The following ZNF37A variants were observed in gnomAD, a reference collection of about 807,000 sequenced individuals.
ZNF37A encodes the protein zinc finger protein 37A.
ZNF37A carries 10 observed loss-of-function variants against 12.3 expected under a neutral mutation model. The observed-to-expected ratio is 0.82, with a 90% CI of 0.50 to 1.38. ZNF37A has a LOEUF of 1.38. Ranked by LOEUF, ZNF37A falls within the 40% of genes most tolerant of loss-of-function variation. The pLI is 0.00. For missense variants in ZNF37A, 580 were observed against 651.2 expected, an observed-to-expected ratio of 0.89 and a Z score of 1.19; for synonymous variants, 207 against 223.0, an observed-to-expected ratio of 0.93 and a Z score of 0.64.
chr10:38,129,319 A>AAAAAAAAAAAAAAAAACAAC, downstream of ZNF37A, among the ~76,000 whole-genome samples: 1 of 116,222 alleles, frequency 8.6e-6, no homozygotes, highest in African/African-American at 3.6e-5. Flanking sequence ...AAAAAAAAAA[A>AAAAAAAAAAAAAAAAACAAC]AAACTATTAT....
chr10:38,101,457 G>A (rs1311706653), intron 5 of ZNF37A, among the ~76,000 whole-genome samples: 1 of 151,194 alleles, frequency 6.6e-6, no homozygotes, highest in Non-Finnish European at 1.5e-5. Context: ...CAACTTTGTT[G>A]AAAATCATTT....
intron 5 of ZNF37A, among the ~76,000 whole-genome samples, chr10:38,109,843 G>T (rs2135957245): frequency 6.6e-6 from 1 of 152,266 alleles, no homozygotes; most frequent in Non-Finnish European, 1.5e-5. Flanking sequence ...AAGTAAGAGA[G>T]GACACAAACA....
At chr10:38,111,233 A>G (rs189593324) in intron 5 of ZNF37A, among the ~76,000 whole-genome samples, 6 of 152,228 alleles carry the variant, frequency 3.9e-5, no homozygotes, top group Admixed American at 2.6e-4. Context: ...TAACACAAGA[A>G]CAGAAAACCA....
At chr10:38,144,476 T>C (rs2070227115) in intron 7 of ZNF37A, 1 of 152,202 alleles carries the variant, frequency 6.6e-6, no homozygotes, top group African/African-American at 2.4e-5. Flanking sequence ...ATAAAATATA[T>C]ATTTTGGAAT....
chr10:38,112,199 C>G (rs2068743601), intron 5 of ZNF37A, among the ~76,000 whole-genome samples: 2 of 151,742 alleles, frequency 1.3e-5, no homozygotes, highest in Non-Finnish European at 2.9e-5. Flanking sequence ...TTGGCTCTGT[C>G]CTGGGGCACT....
chr10:38,131,758 T>C (rs1328932949), intron 7 of ZNF37A, among the ~76,000 whole-genome samples: 2 of 152,218 alleles, frequency 1.3e-5, no homozygotes, highest in African/African-American at 4.8e-5. Flanking sequence ...AGTCTTCCTA[T>C]ACACAAACAG....
In ZNF37A at chr10:38,119,939, G is replaced by A. The variant is rs1396152738; in HGVS notation, c.*1102G>A. The stretch of plus-strand genomic sequence containing the variant: ...ATTTGCCTTGTATGCAACTTATGAG[G>A]ATTAGTAGAAGAGAGTGGGTCCAGA... On this transcript the variant is annotated 3_prime_UTR_variant, in exon 8 of 8. Transcript: ENST00000685332. 1 of 152,200 alleles carries A rather than the reference G, an allele frequency of 6.6e-6. No homozygotes were observed. Among genetic ancestry groups the A allele is most frequent in the African/African-American group, 2.4e-5 (1 of 41,442 alleles). 9.4% of individuals were successfully genotyped at this position (152,200 alleles called of 1,614,324 possible). A position where few individuals can be genotyped will look rare whatever the true frequency, so the allele number is the denominator to read the frequency against.
intron 5 of ZNF37A, among the ~76,000 whole-genome samples, chr10:38,100,971 G>A (rs1404667754): frequency 6.6e-6 from 1 of 152,158 alleles, no homozygotes; most frequent in Non-Finnish European, 1.5e-5. Flanking sequence ...CGGTCCCTCT[G>A]TTTGGGGTCC....
exon 8 of ZNF37A, chr10:38,149,297 G>C (rs1277776334): frequency 6.6e-6 from 1 of 152,070 alleles, no homozygotes; most frequent in Non-Finnish European, 1.5e-5. Context: ...ATTCTATTGG[G>C]ATTTTAAAGG....
chr10:38,112,788 T>TGTTGG (rs1564932518), intron 5 of ZNF37A, among the ~76,000 whole-genome samples: 4 of 111,344 alleles, frequency 3.6e-5, no homozygotes, highest in Non-Finnish European at 3.9e-5. Context: ...TTCTTTTCTT[T>TGTTGG]TCTTTTCTTG....
At chr10:38,115,458 A>G in intron 7 of ZNF37A, 168 bp downstream of exon 7, 1 of 848,240 alleles carries the variant, frequency 1.2e-6, no homozygotes, top group South Asian at 2.1e-5. Context: ...TGAATCACCC[A>G]GCATCTCCCA....
At chr10:38,098,535 T>A (rs1250695774) in intron 5 of ZNF37A, among the ~76,000 whole-genome samples, 1 of 152,204 alleles carries the variant, frequency 6.6e-6, no homozygotes, top group Admixed American at 6.5e-5. Flanking sequence ...AGTGTTATCA[T>A]CTTAATATTA....
Position 38,117,964 on chromosome 10 carries a change from T to C in ZNF37A, c.813T>C (p.Tyr271=), listed in dbSNP as rs1158856909. The C allele has an allele frequency of 2.0e-5, 32 of 1,613,846 alleles. No homozygotes were observed. The Middle Eastern group carries it at 4.9e-4, about 25-fold the overall frequency. Residue 271 remains tyrosine (Y), a synonymous_variant, in exon 8 of 8, where the codon TAT becomes TAC. Transcript: ENST00000685332. ...GAACACATACAGGAGAAAAACCTTA[T>C]GAATGTCATGAATGTGGAAAAACCT... ...QQRTHTGEKP[Y]ECHECGKTFT... is the part of the protein sequence containing the mutation.
Position 38,096,585 on chromosome 10 carries a change from C to G in ZNF37A, c.-33C>G, listed in dbSNP as rs1311461404. 1.9e-6 allele frequency: 3 copies of G among 1,609,198 alleles called. No homozygotes were observed. Among genetic ancestry groups the G allele is most frequent in the Non-Finnish European group, 1.7e-6 (2 of 1,178,296 alleles). On this transcript the variant is annotated 5_prime_UTR_variant, in exon 5 of 8. Transcript: ENST00000685332. ...TTCTTATTTCTCAGCTACACCCTCACAGTTTGCTCTGCTCTTCCAACACCA... is the reference window on the plus strand; with the variant it reads ...TTCTTATTTCTCAGCTACACCCTCAGAGTTTGCTCTGCTCTTCCAACACCA...
chr10:38,111,548 T>A (rs1454266283), intron 5 of ZNF37A, among the ~76,000 whole-genome samples: 2 of 152,206 alleles, frequency 1.3e-5, no homozygotes, highest in African/African-American at 2.4e-5. Flanking sequence ...TCTTATTCAT[T>A]CTAATTACAT....
Position 38,115,192 on chromosome 10 carries a change from C to T in ZNF37A, c.143-3C>T. 6.2e-7 allele frequency: 1 copy of T among 1,612,436 alleles called. No homozygotes were observed. On this transcript the variant is annotated splice_polypyrimidine_tract_variant and splice_region_variant and intron_variant, in intron 6 of 7. Coordinates refer to ENST00000685332, the MANE Select transcript of ZNF37A (RefSeq NM_001324250.3). ...TCCCAAGTAATACAATTCTCATTCA[C>T]AGGGTATTGCATTCCTAAACCAGAA...
intron 7 of ZNF37A, among the ~76,000 whole-genome samples, chr10:38,146,274 TTTTA>T (rs1297745918): frequency 6.6e-6 from 1 of 152,024 alleles, no homozygotes. Flanking sequence ...AACAAGGGTG[TTTTA>T]TTTATTTATT....
At chr10:38,127,342 C>T (rs770158395), downstream of ZNF37A, among the ~76,000 whole-genome samples, 3 of 152,172 alleles carry the variant, frequency 2.0e-5, no homozygotes, top group Non-Finnish European at 4.4e-5. Context: ...TTTTCACTTA[C>T]GCTAACCACT....
At position 38,115,200 on chromosome 10, in the gene ZNF37A, T is replaced by A. The variant is rs1446015507; in HGVS notation, c.148T>A (p.Cys50Ser). Residue 50 changes from cysteine (C) to serine (S), a missense_variant, in exon 7 of 8, where the codon TGC becomes AGC. By Grantham distance (112) the Cys-to-Ser change is moderately radical. Transcript: ENST00000685332. ...NYSHLVSVGY[C>S]IPKPEVILKL... ...AATACAATTCTCATTCACAGGGTATTGCATTCCTAAACCAGAAGTGATTCT... is the reference window on the plus strand; with the variant it reads ...AATACAATTCTCATTCACAGGGTATAGCATTCCTAAACCAGAAGTGATTCT... 1.9e-6 allele frequency: 3 copies of A among 1,608,116 alleles called. No individual in the cohort carries two copies. The African/African-American group carries it at 4.0e-5, about 22-fold the overall frequency.
Sources: gnomAD v4.1 joint callset for allele counts (sites outside exome capture counted in the v4.1 genomes callset) on GRCh38, gnomAD v4.1.1 for gene constraint, MANE v1.5 for transcripts, NCBI Gene and HGNC (gene_info 2026-07-23, HGNC 2026-07-21) for gene names.